Variants in ZFYVE28 observed in about 807,000 individuals in gnomAD.
ZFYVE28 encodes zinc finger FYVE-type containing 28.
ZFYVE28 carries 40 observed loss-of-function variants against 82.1 expected under a neutral mutation model. The observed-to-expected ratio is 0.49, with a 90% confidence interval of 0.38 to 0.63. ZFYVE28 has a LOEUF of 0.63. Ranked by LOEUF, ZFYVE28 falls within the 30% of genes least tolerant of loss-of-function variation. The probability of loss-of-function intolerance (pLI) is 0.00; values close to 1 mark genes in which losing one functional copy is unlikely to be tolerated. For synonymous variants in ZFYVE28, 612 were observed against 546.1 expected, an observed-to-expected ratio of 1.12 and a Z score of -1.68; for missense variants, 1,321 against 1,242.1, an observed-to-expected ratio of 1.06 and a Z score of -0.96.
At position 2,320,139 on chromosome 4, in the gene ZFYVE28, C is replaced by T; in HGVS notation, c.803+31G>A. 1.9e-6 allele frequency: 3 copies of T among 1,544,008 alleles called. No individual in the cohort carries two copies. The highest frequency in any genetic ancestry group is 2.3e-5 in the East Asian group (1 of 44,410). On this transcript the variant is annotated intron_variant, in intron 7 of 12. Transcript: ENST00000290974. This position sits in a 1 kb window ranked among gnomAD's most constrained non-coding sequence, Gnocchi z 5.1. ...ACCTGTGGCCCTCCTGTCCCCCTCC[C>T]CTCCCCCACCTCCTCTAGCTCCATC...
intron 2 of ZFYVE28, among the ~76,000 whole-genome samples, chr4:2,344,074 G>A (rs1723177691): frequency 6.6e-6 from 1 of 152,170 alleles, no homozygotes; most frequent in African/African-American, 2.4e-5. Flanking sequence ...AACAAACAAG[G>A]TGAGCCCCAT....
chr4:2,277,301 G>A (rs954198965), intron 8 of ZFYVE28, among the ~76,000 whole-genome samples: 1 of 152,084 alleles, frequency 6.6e-6, no homozygotes, highest in Non-Finnish European at 1.5e-5. Flanking sequence ...GCAACACGGT[G>A]AAACCCCGTC....
intron 1 of ZFYVE28, among the ~76,000 whole-genome samples, chr4:2,354,410 T>C (rs1215390065): frequency 6.7e-6 from 1 of 149,442 alleles, no homozygotes; most frequent in African/African-American, 2.5e-5. Context: ...CTGGGAAGAG[T>C]GGGGTCCCCG....
Position 2,351,668 on chromosome 4 carries a change from C to T in ZFYVE28, c.180+2265G>A, listed in dbSNP as rs982908038. The stretch of plus-strand genomic sequence containing the variant: ...GGTGGAGGTTGCAGTGAGCCGAGAT[C>T]GTATGACTGCACTCCAGCCTGGGCG... On this transcript the variant is annotated intron_variant, in intron 2 of 12. Coordinates refer to ENST00000290974, the MANE Select transcript of ZFYVE28 (RefSeq NM_020972.3). Among the ~76,000 whole-genome samples the T allele has an allele frequency of 5.3e-5, 8 of 152,176 alleles. No homozygotes were observed. In the East Asian group the frequency reaches 1.2e-3, roughly 22 times the overall value.
At chr4:2,391,254 C>T (rs1030544124) in intron 1 of ZFYVE28, among the ~76,000 whole-genome samples, 1 of 152,192 alleles carries the variant, frequency 6.6e-6, no homozygotes, top group Non-Finnish European at 1.5e-5. Flanking sequence ...CGCTCAGTCA[C>T]TGTTCCTTCC....
intron 2 of ZFYVE28, among the ~76,000 whole-genome samples, chr4:2,350,568 A>G (rs1427278575): frequency 1.3e-5 from 2 of 152,064 alleles, no homozygotes. Flanking sequence ...GACTCTCCAG[A>G]GTGATAGGAG....
At position 2,271,324 on chromosome 4, in the gene ZFYVE28, C is replaced by T. The variant is rs1399165419; in HGVS notation, c.2519G>A (p.Arg840His). The stretch of plus-strand genomic sequence containing the variant: ...GGTCTCACCCACCTTCCCACAGCTG[C>T]GGCAGTGGTGCTTCCGGCGGATGAC... ...FTVIRRKHHC[R>H]SCGKIFCSRC... The change falls in exon 12 of 13, where the codon CGC (arginine) becomes CAC (histidine). Residue 840 changes from arginine to histidine, a missense_variant. Around this residue, in one of 2 missense-constraint regions of ZFYVE28, gnomAD observed 978 missense variants for 833.7 expected, o/e 1.17. Transcript: ENST00000290974. The T allele has an allele frequency of 6.2e-7, 1 of 1,612,842 alleles. No individual in the cohort carries two copies. The highest frequency in any genetic ancestry group is 8.5e-7 in the Non-Finnish European group (1 of 1,179,900).
chr4:2,296,069 G>A (rs1026979616), intron 8 of ZFYVE28, among the ~76,000 whole-genome samples: 5 of 152,208 alleles, frequency 3.3e-5, no homozygotes, highest in Non-Finnish European at 5.9e-5. Context: ...AGGACATGTG[G>A]GGGACCTGCG....
chr4:2,279,810 T>C (rs917033351), intron 8 of ZFYVE28, among the ~76,000 whole-genome samples: 1 of 151,554 alleles, frequency 6.6e-6, no homozygotes, highest in Non-Finnish European at 1.5e-5. Context: ...TACTGTATGA[T>C]TGATTCCATT....
At chr4:2,303,661 G>C (rs961321629) in intron 8 of ZFYVE28, among the ~76,000 whole-genome samples, 4 of 152,134 alleles carry the variant, frequency 2.6e-5, no homozygotes, top group African/African-American at 9.7e-5. Context: ...AGAAGAGATA[G>C]GAGACCTCCC....
intron 1 of ZFYVE28, among the ~76,000 whole-genome samples, chr4:2,365,600 T>TG (rs1411655307): frequency 6.6e-6 from 1 of 152,002 alleles, no homozygotes; most frequent in East Asian, 1.9e-4. Context: ...TGGCCCAACC[T>TG]GGGGGCAAAG....
intron 8 of ZFYVE28, among the ~76,000 whole-genome samples, chr4:2,291,170 T>G (rs1235611942): frequency 6.6e-6 from 1 of 151,958 alleles, no homozygotes; most frequent in Non-Finnish European, 1.5e-5. Context: ...CTCAGAGAGG[T>G]GGGTGAAGTC....
chr4:2,353,189 A>G (rs954131198), intron 2 of ZFYVE28, among the ~76,000 whole-genome samples: 3 of 152,248 alleles, frequency 2.0e-5, no homozygotes, highest in Non-Finnish European at 2.9e-5. Flanking sequence ...TTCCCACCGC[A>G]GCAGGGCCAG....
At chr4:2,337,040 T>G (rs919973602) in intron 5 of ZFYVE28, among the ~76,000 whole-genome samples, 1,782 of 41,272 alleles carry the variant, frequency 0.043, 2 homozygotes, top group Middle Eastern at 0.1. Context: ...GAGGAGTGAG[T>G]AGGTGAGGAG....
rs1056869070 is a variant in ZFYVE28, at chr4:2,416,576, A to T, written c.39+1709T>A. Among the ~76,000 whole-genome samples, 8 of 152,220 alleles carry T rather than the reference A, an allele frequency of 5.3e-5. No individual in the cohort carries two copies. The highest frequency in any genetic ancestry group is 1.9e-4 in the African/African-American group (8 of 41,454). On this transcript the variant is annotated intron_variant, in intron 1 of 12. Transcript: ENST00000290974. The surrounding 1 kb of genome is among the most constrained non-coding windows in gnomAD (Gnocchi z 4.6). ...GGAACCAAACACCATTCATACAGCT[A>T]TCCAGAGCGGAGGCCACCGCCCTAC...
At chr4:2,373,542 T>C (rs550496773) in intron 1 of ZFYVE28, among the ~76,000 whole-genome samples, 1 of 152,274 alleles carries the variant, frequency 6.6e-6, no homozygotes, top group East Asian at 1.9e-4. Flanking sequence ...CTGAAAAATG[T>C]AAAAGAAAAA....
intron 8 of ZFYVE28, among the ~76,000 whole-genome samples, chr4:2,298,751 C>G (rs191553583): frequency 6.6e-6 from 1 of 152,356 alleles, no homozygotes; most frequent in African/African-American, 2.4e-5. Flanking sequence ...CGGACAGTGA[C>G]AGGCTCTGAG....
In ZFYVE28 at chr4:2,417,391, C is replaced by T. The variant is rs1181443126; in HGVS notation, c.39+894G>A. Among the ~76,000 whole-genome samples, 1 of 151,052 alleles carries T rather than the reference C, an allele frequency of 6.6e-6. No homozygotes were observed. Among genetic ancestry groups the T allele is most frequent in the Non-Finnish European group, 1.5e-5 (1 of 67,682 alleles). On this transcript the variant is annotated intron_variant, in intron 1 of 12. Transcript: ENST00000290974. The surrounding 1 kb of genome is among the most constrained non-coding windows in gnomAD (Gnocchi z 4.8). ...GGCTGCAGCGGGCACGAGCCCCAGG[C>T]GGGCGGCGGGGACGCAGCGCCCGCA...
intron 1 of ZFYVE28, among the ~76,000 whole-genome samples, chr4:2,382,223 G>GC (rs1203722095): frequency 6.6e-6 from 1 of 152,362 alleles, no homozygotes; most frequent in African/African-American, 2.4e-5. Context: ...TGGGGTTGGA[G>GC]CCCCCACACA....
Sources: gnomAD v4.1 joint callset for allele counts (sites outside exome capture counted in the v4.1 genomes callset) on GRCh38, gnomAD v4.1.1 for gene constraint, gnomAD v4.1.1 regional missense constraint, Gnocchi (gnomAD v3.1) non-coding constraint, MANE v1.5 for transcripts, NCBI Gene and HGNC (gene_info 2026-07-23, HGNC 2026-07-21) for gene names.